Variants in TAFA1 observed in about 807,000 individuals in gnomAD.
The protein encoded by TAFA1 is TAFA chemokine like family member 1.
In TAFA1, 4 loss-of-function variants were observed where a neutral mutation model predicts 18.5. That is an observed-to-expected ratio of 0.22 (90% CI 0.11 to 0.49). The LOEUF (loss-of-function observed/expected upper bound fraction) is 0.49. Among genes scored for constraint, TAFA1 ranks in the 20% least tolerant of loss-of-function variants. TAFA1 has a pLI of 0.98. For missense variants in TAFA1, 147 were observed against 169.0 expected, an observed-to-expected ratio of 0.87 and a Z score of 0.72; for synonymous variants, 56 against 55.2, an observed-to-expected ratio of 1.01 and a Z score of -0.06.
At chr3:68,077,776 A>T (rs1484306130) in intron 2 of TAFA1, among the ~76,000 whole-genome samples, 5 of 152,038 alleles carry the variant, frequency 3.3e-5, no homozygotes, top group African/African-American at 1.2e-4. Flanking sequence ...GGCTTAGGAT[A>T]GACTTGGCGA....
intron 3 of TAFA1, among the ~76,000 whole-genome samples, chr3:68,472,514 AC>A (rs1375684635): frequency 2.6e-5 from 4 of 151,926 alleles, no homozygotes; most frequent in African/African-American, 9.7e-5. Context: ...ACACACACAC[AC>A]ACACACACAC....
At chr3:68,236,336 TA>T (rs1449508749) in intron 2 of TAFA1, among the ~76,000 whole-genome samples, 1 of 152,194 alleles carries the variant, frequency 6.6e-6, no homozygotes, top group East Asian at 1.9e-4. Context: ...ATTCATACTT[TA>T]AAAAATATAT....
intron 2 of TAFA1, among the ~76,000 whole-genome samples, chr3:68,016,932 T>A (rs558709267): frequency 7.5e-4 from 114 of 152,336 alleles, no homozygotes; most frequent in Admixed American, 3.3e-3. Flanking sequence ...TCTAAGTATT[T>A]ATTACTTAAG....
chr3:68,254,147 ATCTATCTATCTG>A (rs751230352), intron 2 of TAFA1, among the ~76,000 whole-genome samples: 2,681 of 129,070 alleles, frequency 0.021, 42 homozygotes, highest in Admixed American at 0.027. Context: ...CTATCTATCT[ATCTATCTATCTG>A]TCTATCTATC....
At chr3:68,058,089 C>T (rs1024802111) in intron 2 of TAFA1, among the ~76,000 whole-genome samples, 1 of 152,168 alleles carries the variant, frequency 6.6e-6, no homozygotes, top group Admixed American at 6.5e-5. Context: ...ATCATCTTTG[C>T]AGCTGAAGTG....
chr3:68,243,285 T>C (rs2067024954), intron 2 of TAFA1, among the ~76,000 whole-genome samples: 1 of 152,140 alleles, frequency 6.6e-6, no homozygotes, highest in South Asian at 2.1e-4. Context: ...GAAACTGACA[T>C]TGGTAAAATC....
intron 2 of TAFA1, among the ~76,000 whole-genome samples, chr3:68,383,250 C>A (rs1184167370): frequency 7.8e-6 from 1 of 128,994 alleles, no homozygotes; most frequent in Non-Finnish European, 1.6e-5. Context: ...GAGAGGGTAT[C>A]CTTGTCTTTT....
intron 2 of TAFA1, among the ~76,000 whole-genome samples, chr3:68,170,550 T>C (rs533908364): frequency 1.3e-5 from 2 of 152,306 alleles, no homozygotes; most frequent in African/African-American, 4.8e-5. Context: ...CTCCAATATA[T>C]TTCTGGGAAT....
At chr3:68,116,781 G>A (rs1298512669) in intron 2 of TAFA1, among the ~76,000 whole-genome samples, 1 of 152,154 alleles carries the variant, frequency 6.6e-6, no homozygotes, top group South Asian at 2.1e-4. Context: ...CAGAACAAAG[G>A]TTGGCAACTA....
At chr3:68,108,787 T>G (rs2065232771) in intron 2 of TAFA1, among the ~76,000 whole-genome samples, 1 of 152,132 alleles carries the variant, frequency 6.6e-6, no homozygotes, top group Admixed American at 6.6e-5. Flanking sequence ...TAATTTGTCT[T>G]TTATTATTAT....
intron 2 of TAFA1, among the ~76,000 whole-genome samples, chr3:68,287,921 G>C (rs1001105497): frequency 4.2e-5 from 4 of 95,228 alleles, no homozygotes; most frequent in African/African-American, 9.9e-5. Context: ...GGGTGGGGGG[G>C]CTTTTTGAAA....
chr3:68,260,150 G>A (rs1431713009), intron 2 of TAFA1, among the ~76,000 whole-genome samples: 21 of 152,010 alleles, frequency 1.4e-4, no homozygotes, highest in East Asian at 1.9e-4. Flanking sequence ...AGCATGAAGC[G>A]TTGTTGAATT....
intron 2 of TAFA1, among the ~76,000 whole-genome samples, chr3:68,327,825 A>G (rs926067714): frequency 6.6e-6 from 1 of 152,224 alleles, no homozygotes; most frequent in African/African-American, 2.4e-5. Flanking sequence ...CATTTAAAGC[A>G]TGACATAGAG....
At chr3:68,210,154 T>G (rs1575681556) in intron 2 of TAFA1, among the ~76,000 whole-genome samples, 1 of 152,034 alleles carries the variant, frequency 6.6e-6, no homozygotes, top group Non-Finnish European at 1.5e-5. Flanking sequence ...ACCTTCCATT[T>G]GTTTTACCTT....
At chr3:68,141,076 A>G (rs1334777821) in intron 2 of TAFA1, among the ~76,000 whole-genome samples, 8 of 152,186 alleles carry the variant, frequency 5.3e-5, no homozygotes, top group African/African-American at 9.6e-5. Flanking sequence ...CTGAATTTAT[A>G]CTTAAAGTAC....
At chr3:68,470,983 G>T (rs2071986109) in intron 3 of TAFA1, among the ~76,000 whole-genome samples, 1 of 152,128 alleles carries the variant, frequency 6.6e-6, no homozygotes, top group African/African-American at 2.4e-5. Flanking sequence ...GTGGATCCAG[G>T]GTTCCCCATC....
At chr3:68,415,421 T>C (rs564121050) in intron 2 of TAFA1, among the ~76,000 whole-genome samples, 31 of 152,182 alleles carry the variant, frequency 2.0e-4, no homozygotes, top group African/African-American at 7.2e-4. Context: ...TGAGGAGCAT[T>C]CTCTAAGGAA....
chr3:68,068,655 C>T (rs1201039462), intron 2 of TAFA1, among the ~76,000 whole-genome samples: 1 of 152,152 alleles, frequency 6.6e-6, no homozygotes, highest in Non-Finnish European at 1.5e-5. Context: ...CTTCTTATTT[C>T]CTTCAAAATT....
chr3:68,259,816 A>G (rs1297178892), intron 2 of TAFA1, among the ~76,000 whole-genome samples: 2 of 152,074 alleles, frequency 1.3e-5, no homozygotes, highest in East Asian at 3.8e-4. Flanking sequence ...GAAGTTGCTT[A>G]TCAGCTTAAG....
Sources: allele counts gnomAD v4.1 joint callset (sites outside exome capture counted in the v4.1 genomes callset), GRCh38; gene constraint gnomAD v4.1.1; transcripts MANE v1.5; gene names NCBI Gene and HGNC (gene_info 2026-07-23, HGNC 2026-07-21).